The following TANC1 variants were observed in gnomAD, a reference collection of about 807,000 sequenced individuals.
The protein encoded by TANC1 is protein TANC1.
Under a neutral mutation model 149.7 loss-of-function variants are expected in TANC1, and 77 were observed. The observed-to-expected ratio is 0.51, with a 90% CI of 0.43 to 0.62. The LOEUF (loss-of-function observed/expected upper bound fraction) is 0.62. TANC1 is among the 20% of genes least tolerant of loss of function. The pLI is 0.00. For synonymous variants in TANC1, 854 were observed against 925.0 expected (o/e 0.92, Z 1.39); for missense variants, 1,985 against 2,321.8 (o/e 0.85, Z 2.98).
chr2:159,221,727 G>A (rs554607672), intron 22 of TANC1, among the ~76,000 whole-genome samples: 1 of 152,306 alleles, frequency 6.6e-6, no homozygotes, highest in South Asian at 2.1e-4. Context: ...TTTTTAAAGT[G>A]ATATGGCATT....
chr2:159,007,144 T>G (rs1225819864), intron 2 of TANC1, among the ~76,000 whole-genome samples: 2 of 143,810 alleles, frequency 1.4e-5, no homozygotes, highest in African/African-American at 5.2e-5. Context: ...TACTGTTTTT[T>G]TTTTTTTTTT....
At chr2:159,120,570 G>A (rs1168036747) in intron 4 of TANC1, among the ~76,000 whole-genome samples, 1 of 152,102 alleles carries the variant, frequency 6.6e-6, no homozygotes, top group Non-Finnish European at 1.5e-5. Context: ...AAAATTCAAT[G>A]TGTCAATCTT....
intron 5 of TANC1, among the ~76,000 whole-genome samples, chr2:159,147,202 A>G (rs1170005867): frequency 1.5e-4 from 23 of 152,214 alleles, no homozygotes; most frequent in Admixed American, 1.4e-3. Context: ...CTCTACACAG[A>G]GTGTTTCAGG....
intron 4 of TANC1, among the ~76,000 whole-genome samples, chr2:159,116,063 G>A (rs1314326595): frequency 6.6e-6 from 1 of 152,146 alleles, no homozygotes; most frequent in Non-Finnish European, 1.5e-5. Context: ...CCTCAAGAGA[G>A]AAAAGAGGAT....
chr2:159,009,609 T>C (rs2037563883), intron 2 of TANC1, among the ~76,000 whole-genome samples: 1 of 152,088 alleles, frequency 6.6e-6, no homozygotes, highest in African/African-American at 2.4e-5. Context: ...GGAGGAGGGA[T>C]GGAGCTAGCT....
chr2:159,020,335 A>G (rs2038721189), intron 2 of TANC1, among the ~76,000 whole-genome samples: 1 of 151,936 alleles, frequency 6.6e-6, no homozygotes, highest in South Asian at 2.1e-4. Context: ...GCTGGTCTTG[A>G]ACTCCTGGCC....
chr2:159,185,292 T>C (rs16843768), intron 14 of TANC1, among the ~76,000 whole-genome samples: 2,356 of 152,224 alleles, frequency 0.015, 56 homozygotes, highest in African/African-American at 0.044. Flanking sequence ...ATAGGCAGGA[T>C]GGTACCTTCA....
chr2:159,146,131 A>G (rs947012069), intron 5 of TANC1, among the ~76,000 whole-genome samples: 1 of 152,210 alleles, frequency 6.6e-6, no homozygotes, highest in African/African-American at 2.4e-5. Flanking sequence ...CAGCGTGTCC[A>G]TGTGAGTTCC....
chr2:159,098,454 C>G (rs1190779436), intron 4 of TANC1, among the ~76,000 whole-genome samples: 1 of 152,176 alleles, frequency 6.6e-6, no homozygotes, highest in Non-Finnish European at 1.5e-5. Context: ...GTATCCTCAT[C>G]ATTAAGTGAC....
rs1246623493 is a variant in TANC1, at chr2:159,231,651, T to C, written c.*639T>C. 4.2e-5 allele frequency: 2 copies of C among 47,812 alleles called. No individual in the cohort carries two copies. Among genetic ancestry groups the C allele is most frequent in the Non-Finnish European group, 1.5e-4 (2 of 13,454 alleles). The allele number at this position is 47,812 out of a possible 1,614,324, so 3.0% of individuals were successfully genotyped here. A position where few individuals can be genotyped will look rare whatever the true frequency, so the allele number is the denominator to read the frequency against. On this transcript the variant is annotated 3_prime_UTR_variant, in exon 27 of 27. Transcript: ENST00000263635. ...TATGGTTCTTATTCATATATTTTTATAGCACTTTTGGAACCTATATTTGTG... is the reference window on the plus strand; with the variant it reads ...TATGGTTCTTATTCATATATTTTTACAGCACTTTTGGAACCTATATTTGTG...
At chr2:159,050,298 CAAAG>C (rs2041375100) in intron 2 of TANC1, among the ~76,000 whole-genome samples, 1 of 152,084 alleles carries the variant, frequency 6.6e-6, no homozygotes, top group African/African-American at 2.4e-5. Context: ...TTTGTAGAAA[CAAAG>C]ACTCACACTC....
At chr2:159,138,346 C>CGCA (rs1285019917) in intron 5 of TANC1, among the ~76,000 whole-genome samples, 29 of 152,098 alleles carry the variant, frequency 1.9e-4, no homozygotes, top group African/African-American at 7.0e-4. Flanking sequence ...TGGTGGATGC[C>CGCA]GCAGCAGGGT....
chr2:159,164,844 A>G (rs1441316907), intron 8 of TANC1, among the ~76,000 whole-genome samples: 3 of 152,192 alleles, frequency 2.0e-5, no homozygotes, highest in Middle Eastern at 3.2e-3. Context: ...TTTCAAAGGA[A>G]GTGAAATGGC....
At chr2:159,163,088 T>C (rs2054209227) in intron 7 of TANC1, among the ~76,000 whole-genome samples, 195 bp from the exon 8 acceptor site, 1 of 152,222 alleles carries the variant, frequency 6.6e-6, no homozygotes, top group African/African-American at 2.4e-5. Context: ...TGTAGAGTGA[T>C]TTAGCAGCTT....
intron 1 of TANC1, among the ~76,000 whole-genome samples, chr2:158,986,429 T>C (rs568124059): frequency 1.7e-3 from 253 of 152,304 alleles, no homozygotes; most frequent in Middle Eastern, 6.8e-3. Context: ...TGGAAACTCT[T>C]TTAAGCTAAT....
In TANC1 at chr2:159,216,926, A is replaced by T. The variant is rs1452865245; in HGVS notation, c.3245-571A>T. Among the ~76,000 whole-genome samples, 8 of 152,336 alleles carry T rather than the reference A, an allele frequency of 5.3e-5. No homozygotes were observed. The East Asian group carries it at 1.4e-3, about 26-fold the overall frequency. On this transcript the variant is annotated intron_variant, in intron 19 of 26. Transcript: ENST00000263635. ...TTAGGGTAAGAGGCCAAACTAGACA[A>T]TAATACCAACCTGTGTTTGCATTGC...
At chr2:159,224,179 C>T (rs1215924682) in intron 22 of TANC1, 53 bp from the exon 23 acceptor site, 21 of 1,605,178 alleles carry the variant, frequency 1.3e-5, no homozygotes, top group Non-Finnish European at 1.8e-5. Flanking sequence ...AATCCGTGTG[C>T]GCCCCTGAAC....
intron 2 of TANC1, among the ~76,000 whole-genome samples, chr2:159,013,718 G>C (rs1416529984): frequency 2.6e-5 from 4 of 152,172 alleles, no homozygotes; most frequent in African/African-American, 7.2e-5. Flanking sequence ...CGAGGACTGG[G>C]TTGTGTTGTC....
intron 13 of TANC1, among the ~76,000 whole-genome samples, chr2:159,176,978 C>T (rs947367177): frequency 2.3e-5 from 3 of 132,534 alleles, no homozygotes; most frequent in Non-Finnish European, 3.1e-5. Flanking sequence ...GGCATGATCT[C>T]GGCTCAATGC....
Sources: gnomAD v4.1 joint callset for allele counts (sites outside exome capture counted in the v4.1 genomes callset) on GRCh38, gnomAD v4.1.1 for gene constraint, MANE v1.5 for transcripts, NCBI Gene and HGNC (gene_info 2026-07-23, HGNC 2026-07-21) for gene names.